Variants in LRP2 observed in about 807,000 individuals in gnomAD.
LRP2 encodes the protein low-density lipoprotein receptor-related protein 2.
In LRP2, 172 loss-of-function variants were observed where a neutral mutation model predicts 531.0. The ratio of observed to expected loss-of-function variants is 0.32; its 90% CI spans 0.29 to 0.37. The LOEUF is 0.37. Ranked by LOEUF, LRP2 falls within the 10% of genes least tolerant of loss-of-function variation. The pLI is 1.00. For synonymous variants in LRP2, 1,992 were observed against 2,027.6 expected (o/e 0.98, Z 0.47); for missense variants, 5,167 against 5,868.3 (o/e 0.88, Z 3.90).
chr2:169,315,959 C>CAAAAAAAAAA (rs536458606), intron 3 of LRP2, among the ~76,000 whole-genome samples: 3 of 73,744 alleles, frequency 4.1e-5, no homozygotes, highest in Non-Finnish European at 7.9e-5. Flanking sequence ...CCCATCTCTA[C>CAAAAAAAAAA]AAAAAAAAAA....
In LRP2 at chr2:169,275,045, G is replaced by T; in HGVS notation, c.1966C>A (p.Gln656Lys). 6.2e-7 allele frequency: 1 copy of T among 1,613,492 alleles called. No individual in the cohort carries two copies. The highest frequency in any genetic ancestry group is 1.7e-5 in the Admixed American group (1 of 59,902). ...YGVTVYHSLR[Q>K]PYATNPCKDN... Reference sequence around the variant, plus strand: ...CTGCTCTGAGGCTTACCATAGGGCTGTCTGAGGGAATGGTAAACAGTCACT... The same window carrying T: ...CTGCTCTGAGGCTTACCATAGGGCTTTCTGAGGGAATGGTAAACAGTCACT... The change falls in exon 14 of 79, where the codon CAG (glutamine) becomes AAG (lysine). Residue 656 changes from glutamine (Q) to lysine (K), a missense_variant. Gln to Lys is a moderately conservative substitution (Grantham distance 53). Around this residue, in one of 6 missense-constraint regions of LRP2, gnomAD observed 2,811 missense variants for 3,058.0 expected, o/e 0.92. Coordinates refer to ENST00000649046, the MANE Select transcript of LRP2 (RefSeq NM_004525.3).
intron 33 of LRP2, among the ~76,000 whole-genome samples, chr2:169,225,089 TAAAA>T (rs971235950): frequency 6.7e-6 from 1 of 150,374 alleles, no homozygotes; most frequent in African/African-American, 2.4e-5. Flanking sequence ...AGACTTTGTC[TAAAA>T]AAAAAATAAA....
intron 3 of LRP2, 43 bp downstream of exon 3, chr2:169,318,719 G>C: frequency 6.2e-7 from 1 of 1,613,632 alleles, no homozygotes; most frequent in South Asian, 1.1e-5. Flanking sequence ...TTGGGTTTTA[G>C]GTGTCCACAA....
rs1309122784 is a variant in LRP2, at chr2:169,162,458, A to T, written c.11887+14T>A. On this transcript the variant is annotated intron_variant, in intron 63 of 78. Transcript: ENST00000649046. ...AGTTACTACAATGAACTATAAAAAC[A>T]AGTGTTTACTTACTGCAACCCAGTT... 1.9e-6 allele frequency: 3 copies of T among 1,613,996 alleles called. No individual in the cohort carries two copies. The highest frequency in any genetic ancestry group is 2.5e-6 in the Non-Finnish European group (3 of 1,179,902).
At chr2:169,176,676 T>TC in intron 53 of LRP2, 88 bp from the exon 54 acceptor site, 1 of 1,138,218 alleles carries the variant, frequency 8.8e-7, no homozygotes, top group Non-Finnish European at 1.3e-6. Flanking sequence ...GACTTTAAAC[T>TC]CATCACCTCT....
intron 46 of LRP2, 147 bp from the exon 47 acceptor site, chr2:169,194,039 A>T: frequency 1.2e-6 from 1 of 857,812 alleles, no homozygotes; most frequent in South Asian, 1.4e-5. Context: ...CTCCAATAAG[A>T]CTAGTACCAG....
chr2:169,327,762 G>C (rs1283541246), intron 1 of LRP2, among the ~76,000 whole-genome samples: 2 of 122,452 alleles, frequency 1.6e-5, no homozygotes, highest in African/African-American at 6.3e-5. Context: ...AGGTGGGGGG[G>C]TCAGCCCCCC....
Position 169,185,859 on chromosome 2 carries a change from A to G in LRP2, c.9489T>C (p.Cys3163=). ...IDECTEMPFV[C]SQKCENVIGS... is the part of the protein sequence containing the mutation. ...CTATTACATTCTCACACTTCTGGCT[A>G]CAGACAAAAGGCATCTCTGTGCATT... Residue 3163 remains cysteine, a synonymous_variant, in exon 50 of 79, where the codon TGT becomes TGC. Transcript: ENST00000649046. 2 of 1,614,080 alleles carry G rather than the reference A, an allele frequency of 1.2e-6. No homozygotes were observed. The highest frequency in any genetic ancestry group is 8.5e-7 in the Non-Finnish European group (1 of 1,180,006).
intron 68 of LRP2, among the ~76,000 whole-genome samples, chr2:169,149,845 T>TA (rs76608653): frequency 2.9e-3 from 405 of 138,138 alleles, no homozygotes; most frequent in African/African-American, 9.8e-3. Context: ...CCAAAAAAAT[T>TA]AAAAAAAAAA....
chr2:169,358,010 T>C (rs1050875234), intron 1 of LRP2, among the ~76,000 whole-genome samples: 2 of 152,166 alleles, frequency 1.3e-5, no homozygotes, highest in South Asian at 2.1e-4. Context: ...ATGGCATCAG[T>C]TCTGGACCAA....
chr2:169,280,309 T>C (rs1417756277), intron 11 of LRP2, 41 bp downstream of exon 11: 8 of 1,611,182 alleles, frequency 5.0e-6, no homozygotes, highest in Admixed American at 1.7e-5. Flanking sequence ...ATCAACACTT[T>C]GTGCTCAGGG....
chr2:169,287,075 G>C (rs1370086573), intron 9 of LRP2, among the ~76,000 whole-genome samples: 2 of 152,152 alleles, frequency 1.3e-5, no homozygotes, highest in South Asian at 2.1e-4. Context: ...GCCCCTTTGC[G>C]CAGGGCTGCC....
At chr2:169,270,195 TG>T (rs1683365545) in intron 16 of LRP2, among the ~76,000 whole-genome samples, 1 of 152,178 alleles carries the variant, frequency 6.6e-6, no homozygotes, top group Admixed American at 6.5e-5. Flanking sequence ...GAAGACAGTG[TG>T]GAGATTCCTC....
intron 57 of LRP2, 141 bp from the exon 58 acceptor site, chr2:169,172,275 C>T: frequency 1.1e-6 from 1 of 924,338 alleles, no homozygotes; most frequent in Non-Finnish European, 1.7e-6. Flanking sequence ...CAGCAACATT[C>T]ATGGTCAACA....
chr2:169,138,728 A>G (rs1222158474), intron 74 of LRP2, 22 bp from the exon 75 acceptor site: 6 of 1,613,578 alleles, frequency 3.7e-6, no homozygotes, highest in Non-Finnish European at 5.1e-6. Context: ...TAACCAAAAC[A>G]GTGTCTTGTT....
intron 1 of LRP2, among the ~76,000 whole-genome samples, chr2:169,329,227 C>A (rs558187171): frequency 1.3e-5 from 2 of 152,236 alleles, no homozygotes; most frequent in Admixed American, 6.5e-5. Context: ...AGAGGGAGAC[C>A]AGGCTTTGTG....
rs572143654 is a variant in LRP2, at chr2:169,354,903, C to A, written c.79+7418G>T. Reference sequence around the variant, plus strand: ...ACCTGTCTGCAAACTCTTTAAGCTTCTTTCTCTCTACCCCATCCTTATAGC... The same window carrying A: ...ACCTGTCTGCAAACTCTTTAAGCTTATTTCTCTCTACCCCATCCTTATAGC... On this transcript the variant is annotated intron_variant, in intron 1 of 78. Coordinates refer to ENST00000649046, the MANE Select transcript of LRP2 (RefSeq NM_004525.3). Among the ~76,000 whole-genome samples the A allele has an allele frequency of 5.9e-5, 9 of 152,334 alleles. No homozygotes were observed. The East Asian group carries it at 1.7e-3, about 29-fold the overall frequency.
chr2:169,217,094 T>C (rs150270875), intron 34 of LRP2, among the ~76,000 whole-genome samples: 8 of 152,284 alleles, frequency 5.3e-5, no homozygotes, highest in Non-Finnish European at 8.8e-5. Context: ...GCCAAATCCA[T>C]GATATATGAA....
At chr2:169,271,379 T>A (rs1212847065) in intron 15 of LRP2, among the ~76,000 whole-genome samples, 1 of 152,046 alleles carries the variant, frequency 6.6e-6, no homozygotes, top group African/African-American at 2.4e-5. Flanking sequence ...GATATCCATA[T>A]GCTTAATTTA....
Sources: allele counts gnomAD v4.1 joint callset (sites outside exome capture counted in the v4.1 genomes callset), GRCh38; gene constraint gnomAD v4.1.1; regional missense constraint gnomAD v4.1.1; transcripts MANE v1.5; gene names NCBI Gene and HGNC (gene_info 2026-07-23, HGNC 2026-07-21).